INO80: variants seen among roughly 807,000 people sequenced by gnomAD.
INO80 encodes the protein INO80 complex ATPase subunit.
Under a neutral mutation model 203.4 loss-of-function variants are expected in INO80, and 20 were observed. The observed-to-expected ratio is 0.10, with a 90% CI of 0.07 to 0.14. INO80 has a LOEUF of 0.14. Ranked by LOEUF, INO80 falls within the 10% of genes least tolerant of loss-of-function variation. The pLI is 1.00. For missense variants in INO80, 1,419 were observed against 1,914.4 expected, an observed-to-expected ratio of 0.74 and a Z score of 4.83; for synonymous variants, 726 against 685.2, an observed-to-expected ratio of 1.06 and a Z score of -0.93.
rs1477472566 is a variant in INO80 at position 41,027,679 on chromosome 15, G to A, written c.2965C>T (p.His989Tyr). Reference protein sequence around the residue: ...AVSGYSDQVVHQRRSATSSLR... With the variant: ...AVSGYSDQVVYQRRSATSSLR... ...GAGGAGGTAGCTGATCTCCGCTGATGGACAACCTGGTCTGAGTAGCCACTC... is the reference window on the plus strand; with the variant it reads ...GAGGAGGTAGCTGATCTCCGCTGATAGACAACCTGGTCTGAGTAGCCACTC... Residue 989 changes from histidine to tyrosine, a missense_variant, in exon 25 of 36, where the codon CAT becomes TAT. By Grantham distance (83) the His-to-Tyr change is moderately conservative (BLOSUM62 2). Coordinates refer to ENST00000648947, the MANE Select transcript of INO80 (RefSeq NM_017553.3). The A allele has an allele frequency of 1.9e-6, 3 of 1,613,530 alleles. No individual in the cohort carries two copies. Among genetic ancestry groups the A allele is most frequent in the Middle Eastern group, 1.6e-4 (1 of 6,084 alleles).
At chr15:41,023,413 T>C (rs1030805413) in intron 25 of INO80, 4 of 452,280 alleles carry the variant, frequency 8.8e-6, no homozygotes, top group Non-Finnish European at 1.8e-5. Flanking sequence ...TATAGAAATA[T>C]GACCAGTTCT....
intron 24 of INO80, among the ~76,000 whole-genome samples, chr15:41,044,598 TA>T (rs1169487966): frequency 3.3e-5 from 5 of 152,220 alleles, no homozygotes; most frequent in Non-Finnish European, 7.3e-5. Context: ...GAGCTGGAAG[TA>T]TTCTATATAT....
chr15:40,982,547 A>T (rs1386011893), intron 35 of INO80, among the ~76,000 whole-genome samples: 1 of 152,182 alleles, frequency 6.6e-6, no homozygotes, highest in Non-Finnish European at 1.5e-5. Flanking sequence ...GATTACTAAA[A>T]TGTGGATCTC....
At chr15:41,110,954 A>G (rs1190342369) in intron 1 of INO80, among the ~76,000 whole-genome samples, 1 of 152,212 alleles carries the variant, frequency 6.6e-6, no homozygotes, top group Non-Finnish European at 1.5e-5. Context: ...AGAACCAAGC[A>G]TAATTCACCT....
At chr15:41,043,117 G>A (rs577467023) in intron 24 of INO80, among the ~76,000 whole-genome samples, 1 of 152,224 alleles carries the variant, frequency 6.6e-6, no homozygotes, top group South Asian at 2.1e-4. Context: ...CAGACGCTCT[G>A]GAACATACTA....
intron 7 of INO80, among the ~76,000 whole-genome samples, chr15:41,082,641 T>C (rs2045502408): frequency 6.6e-6 from 1 of 150,834 alleles, no homozygotes; most frequent in Non-Finnish European, 1.5e-5. Flanking sequence ...GAGGTGGAGG[T>C]TGCAGTGAGT....
At position 41,017,938 on chromosome 15, in the gene INO80, A is replaced by G. The variant is rs2044235331; in HGVS notation, c.3275-1723T>C. ...GCACCAGACAAGGAGTACTGTATAAATTCCAAGTCTGAGCAGGCAGCAAAG... is the reference window on the plus strand; with the variant it reads ...GCACCAGACAAGGAGTACTGTATAAGTTCCAAGTCTGAGCAGGCAGCAAAG... On this transcript the variant is annotated intron_variant, in intron 26 of 35. Transcript: ENST00000648947. 3 of 152,342 alleles carry G rather than the reference A, an allele frequency of 2.0e-5. No individual in the cohort carries two copies. The South Asian group carries it at 6.2e-4, about 32-fold the overall frequency. The allele number at this position is 152,342 out of a possible 1,614,324, so 9.4% of individuals were successfully genotyped here. A position where few individuals can be genotyped will look rare whatever the true frequency, so the allele number is the denominator to read the frequency against.
At chr15:41,036,007 T>C (rs1410356802) in intron 24 of INO80, among the ~76,000 whole-genome samples, 2 of 148,112 alleles carry the variant, frequency 1.4e-5, no homozygotes, top group East Asian at 4.0e-4. Context: ...CCCATAAAAT[T>C]AGCTGGGCAT....
intron 14 of INO80, among the ~76,000 whole-genome samples, chr15:41,066,844 A>G (rs367841440): frequency 3.5e-5 from 4 of 114,854 alleles, no homozygotes; most frequent in Non-Finnish European, 5.6e-5. Flanking sequence ...AAAAAAAAAA[A>G]GCAAAAAAAA....
chr15:41,072,999 T>C (rs923110490), intron 11 of INO80, among the ~76,000 whole-genome samples: 6 of 152,032 alleles, frequency 3.9e-5, no homozygotes, highest in Non-Finnish European at 7.4e-5. Context: ...CTGGATGGTC[T>C]CGATCTCCTG....
At position 41,015,938 on chromosome 15, in the gene INO80, C is replaced by T. The variant is rs570830255; in HGVS notation, c.3402+150G>A. 55 of 609,588 alleles carry T rather than the reference C, an allele frequency of 9.0e-5. No individual in the cohort carries two copies. In the African/African-American group the frequency reaches 1.0e-3, roughly 11 times the overall value. The allele number at this position is 609,588 out of a possible 1,614,324, so 37.8% of individuals were successfully genotyped here. ...CCAGCCTGGGTGATAGAGTGAGACT[C>T]TGTCTCAAAAAAAAAAAAAAAGGAA... On this transcript the variant is annotated intron_variant, in intron 27 of 35. Transcript: ENST00000648947.
intron 14 of INO80, among the ~76,000 whole-genome samples, chr15:41,061,751 G>T (rs532111884): frequency 1.3e-5 from 2 of 152,034 alleles, no homozygotes; most frequent in African/African-American, 4.8e-5. Flanking sequence ...GAATCAAAGC[G>T]AATTTTTAGA....
intron 24 of INO80, among the ~76,000 whole-genome samples, chr15:41,034,466 A>G (rs1182009117): frequency 6.6e-6 from 1 of 152,234 alleles, no homozygotes; most frequent in Non-Finnish European, 1.5e-5. Flanking sequence ...CTGTCTCCAC[A>G]GAGGAAGAAA....
intron 27 of INO80, among the ~76,000 whole-genome samples, chr15:41,009,111 C>T (rs911142544): frequency 6.6e-6 from 1 of 152,190 alleles, no homozygotes; most frequent in African/African-American, 2.4e-5. Flanking sequence ...GGATTGCAGG[C>T]ATCAGCCACC....
At position 41,027,683 on chromosome 15, in the gene INO80, A is replaced by G; in HGVS notation, c.2961T>C (p.Val987=). 6.2e-7 allele frequency: 1 copy of G among 1,613,726 alleles called. No homozygotes were observed. Residue 987 remains valine (V), a synonymous_variant, in exon 25 of 36, where the codon GTT becomes GTC. Transcript: ENST00000648947. ...CKAVSGYSDQ[V]VHQRRSATSS... ...AGGTAGCTGATCTCCGCTGATGGAC[A>G]ACCTGGTCTGAGTAGCCACTCACTG... is the stretch of plus-strand genomic sequence containing the variant.
intron 24 of INO80, among the ~76,000 whole-genome samples, chr15:41,031,963 G>GCACAGC (rs2044484748): frequency 4.1e-5 from 2 of 49,220 alleles, no homozygotes; most frequent in East Asian, 8.9e-4. Flanking sequence ...CACAGCACAG[G>GCACAGC]ACAGCACAGC....
At chr15:41,062,474 A>G (rs575133844) in intron 14 of INO80, among the ~76,000 whole-genome samples, 4 of 152,178 alleles carry the variant, frequency 2.6e-5, no homozygotes, top group African/African-American at 9.7e-5. Context: ...CAGAGGTTGC[A>G]GTGAGTGGAG....
intron 25 of INO80, among the ~76,000 whole-genome samples, chr15:41,025,347 A>T (rs1309482530): frequency 6.6e-6 from 1 of 152,166 alleles, no homozygotes; most frequent in African/African-American, 2.4e-5. Context: ...CAAGTGGTAA[A>T]AAATGAAGAA....
chr15:41,077,799 G>A (rs2045428011), intron 9 of INO80, among the ~76,000 whole-genome samples: 2 of 151,922 alleles, frequency 1.3e-5, no homozygotes, highest in Admixed American at 6.6e-5. Context: ...AGATTCCAGC[G>A]ATCCTCCCGT....
Sources: allele counts gnomAD v4.1 joint callset (sites outside exome capture counted in the v4.1 genomes callset), GRCh38; gene constraint gnomAD v4.1.1; transcripts MANE v1.5; gene names NCBI Gene and HGNC (gene_info 2026-07-23, HGNC 2026-07-21).